Variants in SIM1 observed in about 807,000 individuals in gnomAD.
The protein encoded by SIM1 is single-minded homolog 1.
SIM1 carries 18 observed loss-of-function variants against 78.2 expected under a neutral mutation model. The ratio of observed to expected loss-of-function variants is 0.23; its 90% CI spans 0.16 to 0.34. The LOEUF is 0.34. Ranked by LOEUF, SIM1 falls within the 10% of genes least tolerant of loss-of-function variation. SIM1 has a pLI of 1.00. For missense variants in SIM1, 939 were observed against 975.1 expected, an observed-to-expected ratio of 0.96 and a Z score of 0.49; for synonymous variants, 417 against 385.2, an observed-to-expected ratio of 1.08 and a Z score of -0.97.
In SIM1 at chr6:100,394,807, C is replaced by G. The variant is rs1419064962; in HGVS notation, c.1168-918G>C. Among the ~76,000 whole-genome samples, 3 of 152,276 alleles carry G rather than the reference C, an allele frequency of 2.0e-5. No individual in the cohort carries two copies. The East Asian group carries it at 5.8e-4, about 29-fold the overall frequency. On this transcript the variant is annotated intron_variant, in intron 10 of 11. Coordinates refer to ENST00000369208, the MANE Select transcript of SIM1 (RefSeq NM_005068.3). Reference sequence around the variant, plus strand: ...TTAACTCTGTTAACTCTCTGAGGGCCATGCTGGATAGATGGCAGAATAGTT... The same window carrying G: ...TTAACTCTGTTAACTCTCTGAGGGCGATGCTGGATAGATGGCAGAATAGTT...
rs957980533 is a variant in SIM1 at position 100,463,906 on chromosome 6, G to T, written c.-438C>A. 9 of 157,910 alleles carry T rather than the reference G, an allele frequency of 5.7e-5. No homozygotes were observed. Among genetic ancestry groups the T allele is most frequent in the Non-Finnish European group, 1.3e-4 (9 of 71,442 alleles). 9.8% of individuals were successfully genotyped at this position (157,910 alleles called of 1,614,324 possible). On this transcript the variant is annotated 5_prime_UTR_variant, in exon 2 of 12. Coordinates refer to ENST00000369208, the MANE Select transcript of SIM1 (RefSeq NM_005068.3). ...GTATCTCCGAGCCCCTTTGGGAAGA[G>T]CAGGAACCCCAGACAACTCTTTCAA...
intron 10 of SIM1, among the ~76,000 whole-genome samples, chr6:100,410,483 A>G (rs1771164938): frequency 6.6e-6 from 1 of 152,220 alleles, no homozygotes; most frequent in East Asian, 1.9e-4. Context: ...CTGAACATAA[A>G]TTATGACATA....
chr6:100,405,420 C>G (rs1771028689), intron 10 of SIM1, among the ~76,000 whole-genome samples: 1 of 151,828 alleles, frequency 6.6e-6, no homozygotes, highest in East Asian at 1.9e-4. Context: ...ATATTTTGGC[C>G]ATTTCTTCCT....
intron 10 of SIM1, among the ~76,000 whole-genome samples, chr6:100,411,913 A>C (rs1247318060): frequency 1.3e-5 from 2 of 152,228 alleles, no homozygotes; most frequent in Non-Finnish European, 2.9e-5. Flanking sequence ...GCGTGGGGGC[A>C]GAAAAAGACA....
At chr6:100,436,252 A>C (rs1772045812) in intron 9 of SIM1, among the ~76,000 whole-genome samples, 1 of 152,132 alleles carries the variant, frequency 6.6e-6, no homozygotes, top group Non-Finnish European at 1.5e-5. Flanking sequence ...CAGCTTGGAC[A>C]TATGCTTATT....
chr6:100,415,720 T>A (rs1341827709), intron 10 of SIM1, among the ~76,000 whole-genome samples: 1 of 152,272 alleles, frequency 6.6e-6, no homozygotes, highest in East Asian at 1.9e-4. Context: ...CACCATCATC[T>A]CGGACAAACA....
At chr6:100,430,020 A>C (rs1252795534) in intron 9 of SIM1, among the ~76,000 whole-genome samples, 2 of 152,318 alleles carry the variant, frequency 1.3e-5, no homozygotes, top group Non-Finnish European at 2.9e-5. Context: ...CATGTGAGCT[A>C]TATGACTTTC....
intron 9 of SIM1, among the ~76,000 whole-genome samples, chr6:100,430,209 T>C (rs910692742): frequency 1.3e-4 from 20 of 152,236 alleles, no homozygotes; most frequent in African/African-American, 4.6e-4. Flanking sequence ...CTGAGGGACT[T>C]TATTATGCTC....
Position 100,393,695 on chromosome 6 carries a change from C to G in SIM1, c.1362G>C (p.Ser454=). 6 of 1,614,080 alleles carry G rather than the reference C, an allele frequency of 3.7e-6. No individual in the cohort carries two copies. Among genetic ancestry groups the G allele is most frequent in the Non-Finnish European group, 5.1e-6 (6 of 1,179,930 alleles). The change falls in exon 11 of 12, where the codon TCG becomes TCC. Residue 454 remains serine (S), a synonymous_variant. Transcript: ENST00000369208. ...GGAAATGCCTCTCTTCCACCAGCCT[C>G]GAGTGGTCAAGCGCAAAGCCATAGC... ...SLCYGFALDH[S]RLVEERHFHT...
At chr6:100,443,632 C>T (rs1455647876) in intron 9 of SIM1, among the ~76,000 whole-genome samples, 1 of 151,946 alleles carries the variant, frequency 6.6e-6, no homozygotes, top group Non-Finnish European at 1.5e-5. Context: ...TTTAACGGCA[C>T]CAGTAAACTA....
At chr6:100,425,782 C>T (rs1412828394) in intron 9 of SIM1, among the ~76,000 whole-genome samples, 1 of 152,162 alleles carries the variant, frequency 6.6e-6, no homozygotes, top group Non-Finnish European at 1.5e-5. Flanking sequence ...TCTGGTATCA[C>T]ATATGTCCTC....
chr6:100,412,654 AAAGAGAGAGAGAGAGAG>A (rs1562239876), intron 10 of SIM1, among the ~76,000 whole-genome samples: 15 of 122,558 alleles, frequency 1.2e-4, no homozygotes, highest in African/African-American at 4.2e-4. Context: ...AGAAAGAAAG[AAAGAGAGAGAGAGAGAG>A]AGAAAGAAAG....
intron 9 of SIM1, among the ~76,000 whole-genome samples, chr6:100,431,233 T>C (rs1771892468): frequency 6.6e-6 from 1 of 152,252 alleles, no homozygotes; most frequent in African/African-American, 2.4e-5. Context: ...TAACATTTAT[T>C]CTTGATTAAA....
chr6:100,406,411 T>C (rs1331541776), intron 10 of SIM1, among the ~76,000 whole-genome samples: 1 of 152,188 alleles, frequency 6.6e-6, no homozygotes, highest in Non-Finnish European at 1.5e-5. Context: ...GGACAAAGCA[T>C]GGACTGCCCA....
At chr6:100,442,247 T>C (rs748510879) in intron 9 of SIM1, among the ~76,000 whole-genome samples, 3 of 152,092 alleles carry the variant, frequency 2.0e-5, no homozygotes, top group Non-Finnish European at 4.4e-5. Context: ...AATACAATAA[T>C]AAGGAAAAAG....
intron 2 of SIM1, 47 bp from the exon 3 acceptor site, chr6:100,453,891 C>T: frequency 1.4e-5 from 21 of 1,489,092 alleles, no homozygotes; most frequent in Non-Finnish European, 1.9e-5. Context: ...CCGGACCTGA[C>T]AGGCAGTTTG....
chr6:100,460,744 C>G (rs1286522561), intron 2 of SIM1, among the ~76,000 whole-genome samples: 1 of 152,188 alleles, frequency 6.6e-6, no homozygotes, highest in Non-Finnish European at 1.5e-5. Flanking sequence ...AAATTTGGCA[C>G]CCCCTATAGG....
At chr6:100,433,323 A>G (rs1771950465) in intron 9 of SIM1, among the ~76,000 whole-genome samples, 1 of 152,088 alleles carries the variant, frequency 6.6e-6, no homozygotes, top group African/African-American at 2.4e-5. Flanking sequence ...TGGCCACCAC[A>G]GTGACCTTCT....
chr6:100,419,432 T>C (rs1161141991), intron 10 of SIM1, among the ~76,000 whole-genome samples: 1 of 152,180 alleles, frequency 6.6e-6, no homozygotes, highest in Non-Finnish European at 1.5e-5. Flanking sequence ...AATAGTAGCC[T>C]CTTAGTGACC....
Sources: allele counts gnomAD v4.1 joint callset (sites outside exome capture counted in the v4.1 genomes callset), GRCh38; gene constraint gnomAD v4.1.1; transcripts MANE v1.5; gene names NCBI Gene and HGNC (gene_info 2026-07-23, HGNC 2026-07-21).